Variants in ASCC3 observed in about 807,000 individuals in gnomAD.
The protein encoded by ASCC3 is activating signal cointegrator 1 complex subunit 3.
ASCC3 carries 158 observed loss-of-function variants against 256.3 expected under a neutral mutation model. The observed-to-expected ratio is 0.62, with a 90% CI of 0.54 to 0.70. The LOEUF is 0.70. Among genes scored for constraint, ASCC3 ranks in the 30% least tolerant of loss-of-function variants. The pLI, the probability that ASCC3 is intolerant of heterozygous loss-of-function variation, is 0.00. For synonymous variants in ASCC3, 948 were observed against 883.4 expected, an observed-to-expected ratio of 1.07 and a Z score of -1.30; for missense variants, 2,259 against 2,626.0, an observed-to-expected ratio of 0.86 and a Z score of 3.05.
At chr6:100,528,178 T>C (rs192623303) in intron 37 of ASCC3, among the ~76,000 whole-genome samples, 11 of 152,274 alleles carry the variant, frequency 7.2e-5, no homozygotes, top group Admixed American at 5.9e-4. Flanking sequence ...CTTTAAAAAA[T>C]AGATTAAAGA....
chr6:100,561,128 G>GA (rs1400783536), intron 36 of ASCC3, among the ~76,000 whole-genome samples: 3,107 of 106,882 alleles, frequency 0.029, 73 homozygotes, highest in African/African-American at 0.082. Context: ...TCTCCAAAAA[G>GA]AAAAAAAAAA....
intron 14 of ASCC3, among the ~76,000 whole-genome samples, chr6:100,671,220 G>A (rs1776728075): frequency 6.6e-6 from 1 of 151,970 alleles, no homozygotes; most frequent in Non-Finnish European, 1.5e-5. Context: ...ACAAAGAGAT[G>A]GTTAAGACCA....
chr6:100,697,878 A>T (rs944957247), intron 13 of ASCC3, among the ~76,000 whole-genome samples: 5 of 152,132 alleles, frequency 3.3e-5, no homozygotes, highest in Admixed American at 3.3e-4. Context: ...ACTACTATCA[A>T]CAAAGAAGTT....
chr6:100,867,079 TA>T (rs1160689125), intron 2 of ASCC3, among the ~76,000 whole-genome samples: 3 of 152,228 alleles, frequency 2.0e-5, no homozygotes, highest in Admixed American at 6.5e-5. Flanking sequence ...CGTCATGCCC[TA>T]ATTTGTGATT....
intron 5 of ASCC3, among the ~76,000 whole-genome samples, chr6:100,803,741 A>C (rs898982259): frequency 2.6e-5 from 4 of 152,202 alleles, no homozygotes; most frequent in Admixed American, 1.3e-4. Flanking sequence ...AATCAAGAGA[A>C]TCTGTAAGAA....
intron 13 of ASCC3, among the ~76,000 whole-genome samples, chr6:100,701,133 T>C (rs1778334991): frequency 6.6e-6 from 1 of 152,224 alleles, no homozygotes; most frequent in Non-Finnish European, 1.5e-5. Flanking sequence ...CCAAATAATC[T>C]AATGCATTCA....
chr6:100,708,233 G>T (rs1021125378), intron 13 of ASCC3, among the ~76,000 whole-genome samples: 1 of 152,000 alleles, frequency 6.6e-6, no homozygotes, highest in African/African-American at 2.4e-5. Flanking sequence ...GAATTAAAGT[G>T]AATTTATTCA....
chr6:100,661,955 G>A lies in ASCC3; in HGVS notation c.2554C>T (p.Arg852Ter), dbSNP rs938886650. 3.6e-5 allele frequency: 58 copies of A among 1,613,158 alleles called. No homozygotes were observed. Among genetic ancestry groups the A allele is most frequent in the African/African-American group, 5.3e-5 (4 of 74,836 alleles). The change falls in exon 16 of 42, where the codon CGA (arginine) becomes TGA (stop). Residue 852 changes from arginine to a stop codon, truncating the protein, a stop_gained. Coordinates refer to ENST00000369162, the MANE Select transcript of ASCC3 (RefSeq NM_006828.4). LOFTEE classifies it high-confidence loss of function. ...GILDVMQIFGRAGRPQFDKFG... is the reference protein window; with the variant it reads ...GILDVMQIFG ...TTGTCAAATTGTGGTCGTCCAGCTC[G>A]ACCAAATATCTGCATGACATCTAAA...
intron 38 of ASCC3, among the ~76,000 whole-genome samples, chr6:100,517,776 G>A (rs1774106289): frequency 6.6e-6 from 1 of 152,074 alleles, no homozygotes; most frequent in South Asian, 2.1e-4. Context: ...GATTTAGATA[G>A]GAGAAGTTTA....
chr6:100,511,005 T>G (rs915339476), intron 40 of ASCC3, among the ~76,000 whole-genome samples: 53 of 152,328 alleles, frequency 3.5e-4, no homozygotes, highest in Admixed American at 1.4e-3. Flanking sequence ...AATCTAAGCT[T>G]TAAGTAGAAT....
intron 8 of ASCC3, among the ~76,000 whole-genome samples, chr6:100,778,604 A>G (rs958006517): frequency 6.6e-6 from 1 of 152,120 alleles, no homozygotes; most frequent in Non-Finnish European, 1.5e-5. Flanking sequence ...AAGCATTGTT[A>G]TAAGTAACTA....
rs1003673818 is a variant in ASCC3, at chr6:100,718,275, T to C, written c.1903-24A>G. On this transcript the variant is annotated intron_variant, in intron 11 of 41. Coordinates refer to ENST00000369162, the MANE Select transcript of ASCC3 (RefSeq NM_006828.4). ...ACCTATATGGATTATTTTAATTAAATATGGGTTATTTAAATTAATTTAACC... is the reference window on the plus strand; with the variant it reads ...ACCTATATGGATTATTTTAATTAAACATGGGTTATTTAAATTAATTTAACC... 12 of 1,551,002 alleles carry C rather than the reference T, an allele frequency of 7.7e-6. No individual in the cohort carries two copies. The African/African-American group carries it at 1.4e-4, about 18-fold the overall frequency.
Position 100,508,543 on chromosome 6 carries a change from A to G in ASCC3, c.*843T>C, listed in dbSNP as rs565087267. On this transcript the variant is annotated 3_prime_UTR_variant, in exon 42 of 42. Coordinates refer to ENST00000369162, the MANE Select transcript of ASCC3 (RefSeq NM_006828.4). ...CAGATTTTTCCTGGAGAGCATAAAG[A>G]CAAATAATTGTACTATATGATCTGT... is the stretch of plus-strand genomic sequence containing the variant. 2 of 152,316 alleles carry G rather than the reference A, an allele frequency of 1.3e-5. No individual in the cohort carries two copies. Among genetic ancestry groups the G allele is most frequent in the East Asian group, 3.9e-4 (2 of 5,184 alleles). The allele number at this position is 152,316 out of a possible 1,614,324, so 9.4% of individuals were successfully genotyped here.
At chr6:100,678,592 A>G (rs1777141237) in intron 14 of ASCC3, among the ~76,000 whole-genome samples, 1 of 152,096 alleles carries the variant, frequency 6.6e-6, no homozygotes, top group Admixed American at 6.5e-5. Context: ...AGGGCATAGC[A>G]CAATGTCTGG....
At chr6:100,527,499 T>C (rs1002301192) in intron 37 of ASCC3, among the ~76,000 whole-genome samples, 2 of 152,150 alleles carry the variant, frequency 1.3e-5, no homozygotes, top group Non-Finnish European at 2.9e-5. Flanking sequence ...GTATTTAAAC[T>C]CTGCAATTCT....
At chr6:100,860,255 G>C (rs971774570) in intron 3 of ASCC3, among the ~76,000 whole-genome samples, 1 of 151,912 alleles carries the variant, frequency 6.6e-6, no homozygotes, top group African/African-American at 2.4e-5. Flanking sequence ...AGTCATGAAG[G>C]AGACAGCTAT....
chr6:100,575,163 T>A (rs1440219571), intron 36 of ASCC3, among the ~76,000 whole-genome samples: 2 of 152,102 alleles, frequency 1.3e-5, no homozygotes, highest in African/African-American at 4.8e-5. Flanking sequence ...TGTTCACTAT[T>A]ATTCAGTTAA....
At chr6:100,874,985 C>T (rs1245342071) in intron 1 of ASCC3, among the ~76,000 whole-genome samples, 1 of 152,184 alleles carries the variant, frequency 6.6e-6, no homozygotes, top group Admixed American at 6.5e-5. Context: ...AGAGACCAAA[C>T]AACATGTCTC....
At chr6:100,530,070 A>G (rs1001479794) in intron 37 of ASCC3, among the ~76,000 whole-genome samples, 4 of 152,054 alleles carry the variant, frequency 2.6e-5, no homozygotes, top group African/African-American at 9.7e-5. Context: ...GGTATTTAAC[A>G]TACATTAATT....
Sources: gnomAD v4.1 joint callset for allele counts (sites outside exome capture counted in the v4.1 genomes callset) on GRCh38, gnomAD v4.1.1 for gene constraint, MANE v1.5 for transcripts, NCBI Gene and HGNC (gene_info 2026-07-23, HGNC 2026-07-21) for gene names.